The following RGS12 variants were observed in gnomAD, a reference collection of about 807,000 sequenced individuals.
RGS12 encodes the protein regulator of G protein signaling 12, also known as regulator of G-protein signaling 12.
Under a neutral mutation model 120.1 loss-of-function variants are expected in RGS12, and 66 were observed. The ratio of observed to expected loss-of-function variants is 0.55; its 90% CI spans 0.45 to 0.67. The LOEUF (loss-of-function observed/expected upper bound fraction) is 0.67, where lower values mean the gene tolerates loss of function less well. Among genes scored for constraint, RGS12 ranks in the 30% least tolerant of loss-of-function variants. RGS12 has a pLI of 0.00. For missense variants in RGS12, 1,859 were observed against 1,957.7 expected (o/e 0.95, Z 0.95); for synonymous variants, 827 against 804.7 (o/e 1.03, Z -0.47).
chr4:3,368,429 T>G (rs1716576326), intron 3 of RGS12, among the ~76,000 whole-genome samples: 1 of 94,860 alleles, frequency 1.1e-5, no homozygotes, highest in African/African-American at 3.6e-5. Context: ...TGCCTGTGTG[T>G]GTGTGGGTGC....
At chr4:3,385,967 TG>T in intron 3 of RGS12, 1 of 177,160 alleles carries the variant, frequency 5.6e-6, no homozygotes, top group Non-Finnish European at 1.2e-5. Flanking sequence ...TGGCCCTGGG[TG>T]GCGTCATGGC....
intron 4 of RGS12, among the ~76,000 whole-genome samples, chr4:3,408,177 C>T (rs774759519): frequency 3.9e-5 from 6 of 152,196 alleles, no homozygotes; most frequent in African/African-American, 9.7e-5. Context: ...ATCCCTCCCG[C>T]GTTCTGGCCT....
At chr4:3,410,347 A>C (rs1577065071) in intron 4 of RGS12, among the ~76,000 whole-genome samples, 1 of 152,226 alleles carries the variant, frequency 6.6e-6, no homozygotes, top group African/African-American at 2.4e-5. Flanking sequence ...CTTGGCCTCA[A>C]GTGATCATCC....
At chr4:3,422,870 G>T (rs199576630) in intron 11 of RGS12, 35 bp from the exon 12 acceptor site, 1 of 1,589,696 alleles carries the variant, frequency 6.3e-7, no homozygotes, top group Non-Finnish European at 8.6e-7. Flanking sequence ...GCTGCCTGCT[G>T]TGCCCACGTT....
At chr4:3,407,978 G>GA (rs1485954995) in intron 4 of RGS12, among the ~76,000 whole-genome samples, 3 of 152,176 alleles carry the variant, frequency 2.0e-5, no homozygotes, top group African/African-American at 7.2e-5. Context: ...TCAGTCGAAA[G>GA]AAAAAATCCC....
At chr4:3,434,803 A>G (rs1398956475) in intron 17 of RGS12, among the ~76,000 whole-genome samples, 1 of 152,154 alleles carries the variant, frequency 6.6e-6, no homozygotes, top group African/African-American at 2.4e-5. Context: ...CTTCGTTTCC[A>G]ACAAAAAGCC....
chr4:3,304,931 C>T (rs1197071703), intron 1 of RGS12, among the ~76,000 whole-genome samples: 3 of 152,364 alleles, frequency 2.0e-5, no homozygotes, highest in Admixed American at 6.5e-5. Flanking sequence ...GTGAGGCTCA[C>T]GCAGGGCTGT....
intron 1 of RGS12, among the ~76,000 whole-genome samples, chr4:3,305,807 A>C (rs1003589826): frequency 6.6e-6 from 1 of 152,202 alleles, no homozygotes; most frequent in Non-Finnish European, 1.5e-5. Flanking sequence ...CTGCCCTTGG[A>C]GGCTTTGATT....
In RGS12 at chr4:3,439,913, A is replaced by G. The variant is rs1725177333; in HGVS notation, c.*229A>G. 4.1e-6 allele frequency: 2 copies of G among 491,056 alleles called. No homozygotes were observed. Among genetic ancestry groups the G allele is most frequent in the African/African-American group, 2.0e-5 (1 of 49,614 alleles). 30.4% of individuals were successfully genotyped at this position (491,056 alleles called of 1,614,324 possible). A position where few individuals can be genotyped will look rare whatever the true frequency, so the allele number is the denominator to read the frequency against. ...CCAATAAAGCATTTCTGAGGACCCA[A>G]GCGTCGGCCTGGTGCTGGGTGCTGG... is the stretch of plus-strand genomic sequence containing the variant. On this transcript the variant is annotated 3_prime_UTR_variant, in exon 18 of 18. Coordinates refer to ENST00000336727, the MANE Select transcript of RGS12 (RefSeq NM_001394154.1).
chr4:3,309,978 G>A (rs61790547), intron 1 of RGS12, among the ~76,000 whole-genome samples: 49 of 56,424 alleles, frequency 8.7e-4, no homozygotes, highest in South Asian at 1.6e-3. Context: ...GCTGGGACCC[G>A]GGAATGGCAG....
chr4:3,329,282 G>T (rs1032594651), intron 2 of RGS12, among the ~76,000 whole-genome samples: 1 of 152,160 alleles, frequency 6.6e-6, no homozygotes, highest in African/African-American at 2.4e-5. Flanking sequence ...GAGTGCAAGA[G>T]ATCTGTTTTC....
At chr4:3,384,828 AGCTGGT>A (rs1202325616) in intron 3 of RGS12, among the ~76,000 whole-genome samples, 1 of 152,190 alleles carries the variant, frequency 6.6e-6, no homozygotes, top group African/African-American at 2.4e-5. Flanking sequence ...GGATGCGCAT[AGCTGGT>A]GTAGGTCGCA....
intron 1 of RGS12, among the ~76,000 whole-genome samples, chr4:3,308,351 CAG>C (rs1264978596): frequency 2.0e-5 from 3 of 152,238 alleles, no homozygotes; most frequent in African/African-American, 7.2e-5. Context: ...TCACAGGACT[CAG>C]GGCAGGTTTA....
chr4:3,331,240 G>A (rs1435677612), intron 2 of RGS12, among the ~76,000 whole-genome samples: 1 of 152,152 alleles, frequency 6.6e-6, no homozygotes, highest in Non-Finnish European at 1.5e-5. Flanking sequence ...GTGCACATAT[G>A]TTTATATGTA....
intron 3 of RGS12, among the ~76,000 whole-genome samples, chr4:3,376,346 C>G (rs975030037): frequency 2.6e-5 from 4 of 152,180 alleles, no homozygotes; most frequent in Admixed American, 6.5e-5. Flanking sequence ...GCTGCCCTCC[C>G]CGCAGACCGT....
intron 1 of RGS12, among the ~76,000 whole-genome samples, chr4:3,295,063 T>G (rs1262875066): frequency 1.3e-5 from 2 of 151,680 alleles, no homozygotes; most frequent in Non-Finnish European, 2.9e-5. Context: ...CTGCCCTGTT[T>G]AGGATGAGGG....
chr4:3,428,027 T>G (rs1369869760), intron 14 of RGS12, 63 bp from the exon 15 acceptor site: 6 of 1,465,134 alleles, frequency 4.1e-6, no homozygotes, highest in Non-Finnish European at 4.8e-6. Context: ...AGGAGCAGGT[T>G]GTCTATGAAA....
chr4:3,382,149 C>T (rs1014313735), intron 3 of RGS12, among the ~76,000 whole-genome samples: 13 of 152,206 alleles, frequency 8.5e-5, no homozygotes, highest in African/African-American at 3.1e-4. Flanking sequence ...ACAGATCTTA[C>T]ATTTTAAAGA....
intron 4 of RGS12, among the ~76,000 whole-genome samples, chr4:3,392,456 G>A (rs1170100347): frequency 6.6e-6 from 1 of 152,118 alleles, no homozygotes; most frequent in Non-Finnish European, 1.5e-5. Context: ...AGCTCATGGA[G>A]GCCGTTTCAT....
Sources: gnomAD v4.1 joint callset for allele counts (sites outside exome capture counted in the v4.1 genomes callset) on GRCh38, gnomAD v4.1.1 for gene constraint, MANE v1.5 for transcripts, NCBI Gene and HGNC (gene_info 2026-07-23, HGNC 2026-07-21) for gene names.